CNTN3: variants seen among roughly 807,000 people sequenced by gnomAD.
CNTN3 encodes the protein contactin-3.
In CNTN3, 60 loss-of-function variants were observed where a neutral mutation model predicts 119.1. That is an observed-to-expected ratio of 0.50 (90% CI 0.41 to 0.62). The LOEUF is 0.62. Among genes scored for constraint, CNTN3 ranks in the 20% least tolerant of loss-of-function variants. The pLI, the probability that CNTN3 is intolerant of heterozygous loss-of-function variation, is 0.00. For missense variants in CNTN3, 1,101 were observed against 1,242.4 expected (o/e 0.89, Z 1.71); for synonymous variants, 450 against 438.7 (o/e 1.03, Z -0.32).
intron 1 of CNTN3, among the ~76,000 whole-genome samples, chr3:74,555,486 T>C (rs1704055103): frequency 6.6e-6 from 1 of 152,230 alleles, no homozygotes; most frequent in African/African-American, 2.4e-5. Flanking sequence ...TCAGAAGGAA[T>C]GGTACCAGCT....
At chr3:74,474,986 T>C (rs1702629228) in intron 4 of CNTN3, among the ~76,000 whole-genome samples, 1 of 152,172 alleles carries the variant, frequency 6.6e-6, no homozygotes, top group Non-Finnish European at 1.5e-5. Context: ...AGCCCAGCCA[T>C]GTAAGCAGAT....
chr3:74,406,749 T>TAC (rs1705333330), intron 5 of CNTN3, among the ~76,000 whole-genome samples: 2 of 127,468 alleles, frequency 1.6e-5, no homozygotes, highest in East Asian at 5.4e-4. Context: ...TATGTATGTG[T>TAC]AGGTATGCAC....
chr3:74,486,698 A>G, intron 3 of CNTN3, 67 bp from the exon 4 acceptor site: 1 of 1,310,866 alleles, frequency 7.6e-7, no homozygotes, highest in Non-Finnish European at 1.0e-6. Context: ...TCTCCATTAT[A>G]AAATCTACTT....
At chr3:74,570,497 G>GAA (rs34446548) in intron 1 of CNTN3, among the ~76,000 whole-genome samples, 35 of 143,456 alleles carry the variant, frequency 2.4e-4, no homozygotes, top group Middle Eastern at 3.6e-3. Flanking sequence ...TTAAATGCGG[G>GAA]AAAAAAAAAT....
At chr3:74,462,217 A>G (rs1702383195) in intron 4 of CNTN3, among the ~76,000 whole-genome samples, 1 of 152,038 alleles carries the variant, frequency 6.6e-6, no homozygotes, top group African/African-American at 2.4e-5. Context: ...AGAAGCTGCT[A>G]TGCTTCCTGT....
intron 11 of CNTN3, among the ~76,000 whole-genome samples, chr3:74,340,410 G>A (rs1239998009): frequency 1.3e-5 from 2 of 151,954 alleles, no homozygotes; most frequent in African/African-American, 2.4e-5. Flanking sequence ...ATAATGGGAT[G>A]GAAAAAAAGA....
chr3:74,459,137 C>CTCT (rs1256639686), intron 4 of CNTN3, among the ~76,000 whole-genome samples: 7 of 152,140 alleles, frequency 4.6e-5, no homozygotes, highest in Admixed American at 1.3e-4. Flanking sequence ...ATCCTCTTAT[C>CTCT]TCTGCCTTGT....
intron 11 of CNTN3, among the ~76,000 whole-genome samples, chr3:74,344,053 T>G (rs961075965): frequency 5.9e-5 from 9 of 152,232 alleles, no homozygotes; most frequent in African/African-American, 2.2e-4. Context: ...ATTCTTAAGT[T>G]AGGTTGTTTC....
Position 74,266,599 on chromosome 3 carries a change from A to G in CNTN3, c.2868T>C (p.Asn956=). 2 of 1,613,548 alleles carry G rather than the reference A, an allele frequency of 1.2e-6. No individual in the cohort carries two copies. Among genetic ancestry groups the G allele is most frequent in the Non-Finnish European group, 1.7e-6 (2 of 1,179,596 alleles). Residue 956 remains asparagine, a synonymous_variant, in exon 22 of 23, where the codon AAT becomes AAC. Transcript: ENST00000263665. ...GCAGCACAAGTTCAGCTGAAGTTTT[A>G]TTTGTGTTCAGTACTTGTACGTTAT... The part of the protein sequence containing the change: ...SQNNVQVLNT[N]KTSAELVLPI...
At chr3:74,328,622 T>C (rs1223690648) in intron 13 of CNTN3, among the ~76,000 whole-genome samples, 1 of 152,196 alleles carries the variant, frequency 6.6e-6, no homozygotes, top group African/African-American at 2.4e-5. Flanking sequence ...ATAAATATTG[T>C]ACTTGATAAA....
At chr3:74,297,221 T>A (rs1177170456) in intron 18 of CNTN3, among the ~76,000 whole-genome samples, 3 of 152,154 alleles carry the variant, frequency 2.0e-5, no homozygotes, top group African/African-American at 7.2e-5. Context: ...AAGGGGTATA[T>A]TTTTATTACC....
At chr3:74,574,574 A>G (rs1704384457) in intron 1 of CNTN3, among the ~76,000 whole-genome samples, 1 of 152,216 alleles carries the variant, frequency 6.6e-6, no homozygotes. Flanking sequence ...TCTCAATGGT[A>G]AAGCATGAAC....
intron 11 of CNTN3, among the ~76,000 whole-genome samples, chr3:74,344,975 C>G (rs942239568): frequency 6.6e-6 from 1 of 152,084 alleles, no homozygotes; most frequent in Non-Finnish European, 1.5e-5. Context: ...CCTCTGCTAG[C>G]AATTCCATTC....
intron 1 of CNTN3, among the ~76,000 whole-genome samples, chr3:74,525,201 A>T (rs1463900111): frequency 6.6e-6 from 1 of 151,954 alleles, no homozygotes; most frequent in African/African-American, 2.4e-5. Context: ...CGTAGAAATT[A>T]GAAACTAGAA....
At chr3:74,450,591 C>A (rs1365286042) in intron 4 of CNTN3, among the ~76,000 whole-genome samples, 1 of 150,692 alleles carries the variant, frequency 6.6e-6, no homozygotes, top group African/African-American at 2.4e-5. Flanking sequence ...ATACATGTGA[C>A]ATGCTGGTGC....
At chr3:74,593,807 G>A (rs1270486500) in intron 1 of CNTN3, among the ~76,000 whole-genome samples, 1 of 151,974 alleles carries the variant, frequency 6.6e-6, no homozygotes, top group Admixed American at 6.6e-5. Context: ...GAAGCCCACT[G>A]TGTGAGAAAT....
At chr3:74,458,320 T>C (rs2106966304) in intron 4 of CNTN3, among the ~76,000 whole-genome samples, 1 of 152,184 alleles carries the variant, frequency 6.6e-6, no homozygotes. Context: ...GTTGGCAAAC[T>C]ACAGCTGGAG....
rs970004968 is a variant in CNTN3 at position 74,483,676 on chromosome 3, A to G, written c.358+2780T>C. Among the ~76,000 whole-genome samples the G allele has an allele frequency of 2.0e-5, 3 of 152,074 alleles. No homozygotes were observed. The South Asian group carries it at 6.2e-4, about 31-fold the overall frequency. ...GCATTTCTCTGTGGGACTTGGAGTT[A>G]AGGGGAACTCAATCAAACATGCTGA... On this transcript the variant is annotated intron_variant, in intron 4 of 22. Transcript: ENST00000263665.
chr3:74,299,838 T>G, intron 17 of CNTN3, 30 bp downstream of exon 17: 1 of 1,584,654 alleles, frequency 6.3e-7, no homozygotes, highest in South Asian at 1.1e-5. Flanking sequence ...AGCAAGACCC[T>G]GATGGGGAAG....
Sources: gnomAD v4.1 joint callset for allele counts (sites outside exome capture counted in the v4.1 genomes callset) on GRCh38, gnomAD v4.1.1 for gene constraint, MANE v1.5 for transcripts, NCBI Gene and HGNC (gene_info 2026-07-23, HGNC 2026-07-21) for gene names.